The following LRRC7 variants were observed in gnomAD, a reference collection of about 807,000 sequenced individuals.
LRRC7 encodes the protein leucine-rich repeat-containing protein 7.
LRRC7 carries 23 observed loss-of-function variants against 175.7 expected under a neutral mutation model. That is an observed-to-expected ratio of 0.13 (90% CI 0.09 to 0.19). The LOEUF (loss-of-function observed/expected upper bound fraction) is 0.19. Among genes scored for constraint, LRRC7 ranks in the 10% least tolerant of loss-of-function variants. The pLI is 1.00. For synonymous variants in LRRC7, 685 were observed against 680.9 expected (o/e 1.01, Z -0.09); for missense variants, 1,354 against 1,904.7 (o/e 0.71, Z 5.38).
At position 69,839,057 on chromosome 1, in the gene LRRC7, T is replaced by C. The variant is rs1182220524; in HGVS notation, c.647+774T>C. The C allele has an allele frequency of 1.3e-5, 4 of 307,062 alleles. 1 individual carries two copies. Among genetic ancestry groups the C allele is most frequent in the Non-Finnish European group, 2.6e-5 (4 of 152,278 alleles). 19.0% of individuals were successfully genotyped at this position (307,062 alleles called of 1,614,324 possible). A position where few individuals can be genotyped will look rare whatever the true frequency, so the allele number is the denominator to read the frequency against. On this transcript the variant is annotated intron_variant, in intron 7 of 26. Transcript: ENST00000651989. ...CTATTATCACCCTTCTGCAGTATTA[T>C]AGAAAAATATTGAGTACAGTGAATA...
intron 1 of LRRC7, among the ~76,000 whole-genome samples, chr1:69,605,591 A>C (rs1308429408): frequency 1.3e-5 from 2 of 152,166 alleles, no homozygotes; most frequent in African/African-American, 4.8e-5. Context: ...TATATGGATA[A>C]TCATGATTGA....
intron 1 of LRRC7, among the ~76,000 whole-genome samples, chr1:69,617,083 T>C (rs1557491189): frequency 6.6e-6 from 1 of 152,094 alleles, no homozygotes; most frequent in Non-Finnish European, 1.5e-5. Flanking sequence ...AAGCTGCATG[T>C]CAAAGAAATT....
In LRRC7 at chr1:70,126,435, A is replaced by G. The variant is rs1666457844; in HGVS notation, c.*4548A>G. ...TTACTGAGCTTAACTAAATGTTCAA[A>G]CTCTGGGTTGGTAATGTGTCCTCTC... On this transcript the variant is annotated 3_prime_UTR_variant, in exon 27 of 27. Transcript: ENST00000651989. 6.6e-6 allele frequency among the ~76,000 whole-genome samples: 1 copy of G among 151,890 alleles called. No individual in the cohort carries two copies. Among genetic ancestry groups the G allele is most frequent in the Non-Finnish European group, 1.5e-5 (1 of 67,998 alleles).
chr1:69,942,614 G>C (rs1200775373), intron 8 of LRRC7, among the ~76,000 whole-genome samples: 1 of 151,720 alleles, frequency 6.6e-6, no homozygotes, highest in Non-Finnish European at 1.5e-5. Context: ...TTCCTTACGT[G>C]GCCCCTTCCT....
chr1:69,934,244 A>G (rs1227789344), intron 8 of LRRC7, among the ~76,000 whole-genome samples: 1 of 152,136 alleles, frequency 6.6e-6, no homozygotes, highest in Non-Finnish European at 1.5e-5. Flanking sequence ...ATGACATGGT[A>G]AAGAGACAAT....
At position 70,131,990 on chromosome 1, in the gene LRRC7, G is replaced by A. The variant is rs2102269898; in HGVS notation, c.*10103G>A. Among the ~76,000 whole-genome samples, 1 of 152,284 alleles carries A rather than the reference G, an allele frequency of 6.6e-6. No individual in the cohort carries two copies. Among genetic ancestry groups the A allele is most frequent in the East Asian group, 1.9e-4 (1 of 5,188 alleles). On this transcript the variant is annotated 3_prime_UTR_variant, in exon 27 of 27. Transcript: ENST00000651989. Reference sequence around the variant, plus strand: ...GAGTAAGGAACAAGAACAGACTAGGGCTGGGAAAGAGGGGAATTAATAAGT... The same window carrying A: ...GAGTAAGGAACAAGAACAGACTAGGACTGGGAAAGAGGGGAATTAATAAGT...
chr1:69,924,969 A>G lies in LRRC7; in HGVS notation c.648-6538A>G, dbSNP rs1465163629. On this transcript the variant is annotated intron_variant, in intron 7 of 26. Coordinates refer to ENST00000651989, the MANE Select transcript of LRRC7 (RefSeq NM_001370785.2). Reference sequence around the variant, plus strand: ...GATAGCTCTTATTATTTTGAGATACATCCCATCAATACCTAATTTATTGAG... The same window carrying G: ...GATAGCTCTTATTATTTTGAGATACGTCCCATCAATACCTAATTTATTGAG... Among the ~76,000 whole-genome samples, 7 of 152,066 alleles carry G rather than the reference A, an allele frequency of 4.6e-5. No individual in the cohort carries two copies. In the South Asian group the frequency reaches 6.2e-4, roughly 14 times the overall value.
chr1:69,752,323 G>A (rs963448189), intron 2 of LRRC7, among the ~76,000 whole-genome samples: 2 of 152,138 alleles, frequency 1.3e-5, no homozygotes, highest in African/African-American at 2.4e-5. Flanking sequence ...ATGCAAGACT[G>A]TGCCAACTAA....
chr1:69,782,190 G>T (rs1673842521), intron 3 of LRRC7, among the ~76,000 whole-genome samples: 1 of 152,094 alleles, frequency 6.6e-6, no homozygotes, highest in South Asian at 2.1e-4. Flanking sequence ...ACACAAAAAT[G>T]GTGACTATCT....
chr1:69,930,657 A>G (rs944369783), intron 7 of LRRC7, among the ~76,000 whole-genome samples: 5 of 152,212 alleles, frequency 3.3e-5, no homozygotes, highest in Non-Finnish European at 7.3e-5. Flanking sequence ...ACTGCTATAA[A>G]GAAGTGCTCC....
At chr1:69,906,668 T>G (rs919317449) in intron 7 of LRRC7, among the ~76,000 whole-genome samples, 3 of 152,150 alleles carry the variant, frequency 2.0e-5, no homozygotes, top group Non-Finnish European at 4.4e-5. Flanking sequence ...TGTAGCCTTG[T>G]AGTATAGTTT....
At chr1:69,692,761 T>C (rs935685547) in intron 2 of LRRC7, among the ~76,000 whole-genome samples, 2 of 152,216 alleles carry the variant, frequency 1.3e-5, no homozygotes, top group Non-Finnish European at 2.9e-5. Flanking sequence ...TAATTTTGTA[T>C]GTAAACTTGA....
At chr1:69,952,399 C>T (rs1650032569) in intron 8 of LRRC7, among the ~76,000 whole-genome samples, 1 of 151,942 alleles carries the variant, frequency 6.6e-6, no homozygotes, top group Non-Finnish European at 1.5e-5. Flanking sequence ...GACATTTCCC[C>T]ATGAGAGTTC....
Position 69,705,753 on chromosome 1 carries a change from G to A in LRRC7, c.100+27275G>A, listed in dbSNP as rs1276683943. Among the ~76,000 whole-genome samples the A allele has an allele frequency of 2.0e-5, 3 of 152,054 alleles. No individual in the cohort carries two copies. In the East Asian group the frequency reaches 5.8e-4, roughly 29 times the overall value. On this transcript the variant is annotated intron_variant, in intron 2 of 26. Coordinates refer to ENST00000651989, the MANE Select transcript of LRRC7 (RefSeq NM_001370785.2). ...GCTTGAGAAAAACTCAGTTATTGAA[G>A]ATGGTCCTATATGCCCCAAGTGTTT...
chr1:69,968,759 A>G (rs2101861719), intron 8 of LRRC7, among the ~76,000 whole-genome samples: 1 of 152,290 alleles, frequency 6.6e-6, no homozygotes. Flanking sequence ...CAAGCCAGCA[A>G]TAAAACAACC....
intron 23 of LRRC7, among the ~76,000 whole-genome samples, chr1:70,066,987 T>C (rs1162926233): frequency 2.6e-5 from 4 of 152,090 alleles, no homozygotes; most frequent in Non-Finnish European, 4.4e-5. Flanking sequence ...AGGTGAATTA[T>C]GCAAACATTG....
rs990558896 is a variant in LRRC7 at position 70,124,390 on chromosome 1, C to T, written c.*2503C>T. Among the ~76,000 whole-genome samples the T allele has an allele frequency of 2.0e-5, 3 of 152,016 alleles. No individual in the cohort carries two copies. Among genetic ancestry groups the T allele is most frequent in the Admixed American group, 1.3e-4 (2 of 15,268 alleles). ...TACAAAAATTAGCTGAGCATGGTGG[C>T]GGGCACCTATAATCCCAGCTATTTG... On this transcript the variant is annotated 3_prime_UTR_variant, in exon 27 of 27. Coordinates refer to ENST00000651989, the MANE Select transcript of LRRC7 (RefSeq NM_001370785.2).
chr1:70,136,721 C>CTTTTTTTTTTTTTT lies in LRRC7; in HGVS notation c.*14845_*14858dup, dbSNP rs1204650835. Among the ~76,000 whole-genome samples, 4 of 98,352 alleles carry CTTTTTTTTTTTTTT rather than the reference C, an allele frequency of 4.1e-5. No individual in the cohort carries two copies. Among genetic ancestry groups the CTTTTTTTTTTTTTT allele is most frequent in the South Asian group, 4.2e-4 (1 of 2,408 alleles). 64.5% of individuals were successfully genotyped at this position (98,352 alleles called of 152,430 possible). Reference sequence around the variant, plus strand: ...TTCTGCTTTATTGCTTTTTTAATGCCTTTTTTTTTTTTTTTTTTTTTTTTC... The same window carrying CTTTTTTTTTTTTTT: ...TTCTGCTTTATTGCTTTTTTAATGCCTTTTTTTTTTTTTTTTTTTTTTTTTTTTTTTTTTTTTTC... On this transcript the variant is annotated 3_prime_UTR_variant, in exon 27 of 27. Coordinates refer to ENST00000651989, the MANE Select transcript of LRRC7 (RefSeq NM_001370785.2).
intron 1 of LRRC7, among the ~76,000 whole-genome samples, chr1:69,644,089 T>C (rs2100446164): frequency 6.6e-6 from 1 of 152,256 alleles, no homozygotes; most frequent in South Asian, 2.1e-4. Flanking sequence ...ATGGTCTATC[T>C]TGGAATATAT....
Sources: gnomAD v4.1 joint callset for allele counts (sites outside exome capture counted in the v4.1 genomes callset) on GRCh38, gnomAD v4.1.1 for gene constraint, MANE v1.5 for transcripts, NCBI Gene and HGNC (gene_info 2026-07-23, HGNC 2026-07-21) for gene names.